Variants in ARHGAP10 observed in about 807,000 individuals in gnomAD.
The protein encoded by ARHGAP10 is Rho GTPase activating protein 10, also known as rho GTPase-activating protein 10.
Under a neutral mutation model 108.6 loss-of-function variants are expected in ARHGAP10, and 87 were observed. The observed-to-expected ratio is 0.80, with a 90% confidence interval of 0.67 to 0.96. The LOEUF (loss-of-function observed/expected upper bound fraction) is 0.96, where lower values mean the gene tolerates loss of function less well. ARHGAP10 is among the 40% of genes least tolerant of loss of function. The probability of loss-of-function intolerance (pLI) is 0.00; values close to 1 mark genes in which losing one functional copy is unlikely to be tolerated. For missense variants in ARHGAP10, 939 were observed against 954.5 expected (o/e 0.98, Z 0.21); for synonymous variants, 347 against 341.1 (o/e 1.02, Z -0.19).
rs572155350 is a variant in ARHGAP10 at position 147,942,389 on chromosome 4, A to G, written c.1303+2490A>G. On this transcript the variant is annotated intron_variant, in intron 14 of 22. Coordinates refer to ENST00000336498, the MANE Select transcript of ARHGAP10 (RefSeq NM_024605.4). ...ATTTTTTATTGCCATTTTTACACAA[A>G]GTACTTTGTATTGTTTGTTAAAGTG... Among the ~76,000 whole-genome samples, 7 of 152,322 alleles carry G rather than the reference A, an allele frequency of 4.6e-5. No individual in the cohort carries two copies. The East Asian group carries it at 1.3e-3, about 29-fold the overall frequency.
At chr4:147,944,423 T>A (rs190728557) in intron 14 of ARHGAP10, among the ~76,000 whole-genome samples, 1 of 152,322 alleles carries the variant, frequency 6.6e-6, no homozygotes, top group African/African-American at 2.4e-5. Flanking sequence ...CTTTGAGTAA[T>A]TGACCTCATA....
rs1491305896 is a variant in ARHGAP10, at chr4:147,798,722, A to ACTCTCTCT, written c.155-24004_155-24003insTCTCTCTC. On this transcript the variant is annotated intron_variant, in intron 1 of 22. Transcript: ENST00000336498. ...CATTACGTGAGGTCAGGAGTTTGAG[A>ACTCTCTCT]CACTCTCTCTCTCTCTCTCTCTCTC... Among the ~76,000 whole-genome samples, 22 of 107,430 alleles carry ACTCTCTCT rather than the reference A, an allele frequency of 2.0e-4. 4 individuals are homozygous for ACTCTCTCT. The highest frequency in any genetic ancestry group is 1.1e-3 in the African/African-American group (20 of 18,774). The allele number at this position is 107,430 out of a possible 152,430, so 70.5% of individuals were successfully genotyped here.
At chr4:147,900,203 CT>C (rs1024514689) in intron 10 of ARHGAP10, among the ~76,000 whole-genome samples, 1 of 152,102 alleles carries the variant, frequency 6.6e-6, no homozygotes. Flanking sequence ...TAGGCAGTTT[CT>C]TATGCTTGGG....
chr4:147,732,800 C>T (rs1465204312), intron 1 of ARHGAP10, among the ~76,000 whole-genome samples: 1 of 152,222 alleles, frequency 6.6e-6, no homozygotes, highest in Non-Finnish European at 1.5e-5. Flanking sequence ...AGTCAGGTTT[C>T]ATTGCTGCCT....
intron 3 of ARHGAP10, among the ~76,000 whole-genome samples, chr4:147,845,300 C>A (rs1018400109): frequency 6.6e-6 from 1 of 152,186 alleles, no homozygotes; most frequent in Non-Finnish European, 1.5e-5. Flanking sequence ...CTAGAATGTG[C>A]GCTTATATAT....
chr4:148,047,347 A>G lies in ARHGAP10; in HGVS notation c.2027+296A>G, dbSNP rs960676642. 2.8e-4 allele frequency among the ~76,000 whole-genome samples: 42 copies of G among 152,180 alleles called. 1 individual carries two copies. The highest frequency in any genetic ancestry group is 7.3e-5 in the Non-Finnish European group (5 of 68,040). ...GAAATTTGTTACTGTCCCACCCAAGATGTTTCCCCACTAGTTATGCAAACT... is the reference window on the plus strand; with the variant it reads ...GAAATTTGTTACTGTCCCACCCAAGGTGTTTCCCCACTAGTTATGCAAACT... On this transcript the variant is annotated intron_variant, in intron 20 of 22. Coordinates refer to ENST00000336498, the MANE Select transcript of ARHGAP10 (RefSeq NM_024605.4).
Position 147,897,255 on chromosome 4 carries a change from T to A in ARHGAP10, c.1035-9383T>A, listed in dbSNP as rs1370987762. On this transcript the variant is annotated intron_variant, in intron 10 of 22. Coordinates refer to ENST00000336498, the MANE Select transcript of ARHGAP10 (RefSeq NM_024605.4). ...AGAGTTTTAGTTTATATATAATAAT[T>A]ATTATTTTATTATTATTACTATTTT... is the stretch of plus-strand genomic sequence containing the variant. 3.3e-5 allele frequency among the ~76,000 whole-genome samples: 5 copies of A among 151,310 alleles called. No homozygotes were observed. In the East Asian group the frequency reaches 5.8e-4, roughly 18 times the overall value.
intron 1 of ARHGAP10, among the ~76,000 whole-genome samples, chr4:147,780,517 G>T (rs779447073): frequency 6.6e-6 from 1 of 150,520 alleles, no homozygotes; most frequent in Non-Finnish European, 1.5e-5. Flanking sequence ...TCTCATTTGC[G>T]TGTCTTTTTG....
At chr4:147,891,257 A>G (rs1735785074) in intron 10 of ARHGAP10, among the ~76,000 whole-genome samples, 1 of 152,178 alleles carries the variant, frequency 6.6e-6, no homozygotes, top group Non-Finnish European at 1.5e-5. Context: ...ATGGATAAAT[A>G]AAAGGTGGTA....
At chr4:147,762,971 T>A (rs1194122114) in intron 1 of ARHGAP10, among the ~76,000 whole-genome samples, 1 of 152,116 alleles carries the variant, frequency 6.6e-6, no homozygotes, top group African/African-American at 2.4e-5. Flanking sequence ...CTTTTATGGT[T>A]AAGGAGACAG....
intron 18 of ARHGAP10, among the ~76,000 whole-genome samples, chr4:148,011,606 A>G (rs1382193430): frequency 6.6e-6 from 1 of 152,192 alleles, no homozygotes; most frequent in Non-Finnish European, 1.5e-5. Flanking sequence ...CACATCAGCT[A>G]TTGATTGAAG....
intron 18 of ARHGAP10, among the ~76,000 whole-genome samples, chr4:147,970,916 C>T (rs1287224119): frequency 6.6e-6 from 1 of 151,978 alleles, no homozygotes; most frequent in Non-Finnish European, 1.5e-5. Context: ...GGCAAAACCC[C>T]ATCTCTACTT....
At chr4:147,895,954 C>T (rs1735978978) in intron 10 of ARHGAP10, among the ~76,000 whole-genome samples, 1 of 152,136 alleles carries the variant, frequency 6.6e-6, no homozygotes, top group Non-Finnish European at 1.5e-5. Flanking sequence ...GGAATTTTGA[C>T]AAAATGTTTC....
chr4:147,742,705 T>G (rs1316575805), intron 1 of ARHGAP10, among the ~76,000 whole-genome samples: 1 of 151,726 alleles, frequency 6.6e-6, no homozygotes, highest in Non-Finnish European at 1.5e-5. Context: ...AGGCTGGTCT[T>G]GAACTCCTGA....
At chr4:147,961,427 C>T (rs923218983) in intron 16 of ARHGAP10, among the ~76,000 whole-genome samples, 36 of 152,136 alleles carry the variant, frequency 2.4e-4, no homozygotes, top group African/African-American at 7.2e-4. Context: ...TCTTTCTAAT[C>T]TGATTGCATG....
chr4:147,737,111 A>G (rs1322127613), intron 1 of ARHGAP10, among the ~76,000 whole-genome samples: 2 of 152,050 alleles, frequency 1.3e-5, no homozygotes, highest in Non-Finnish European at 2.9e-5. Context: ...GTTTTCTGCT[A>G]CTTAATGCCC....
intron 14 of ARHGAP10, among the ~76,000 whole-genome samples, chr4:147,943,636 T>G (rs1237929203): frequency 6.6e-6 from 1 of 152,234 alleles, no homozygotes; most frequent in Non-Finnish European, 1.5e-5. Flanking sequence ...CTGTGCTTGT[T>G]AGTTTAGATT....
At chr4:147,894,873 C>A (rs1735924124) in intron 10 of ARHGAP10, among the ~76,000 whole-genome samples, 1 of 152,132 alleles carries the variant, frequency 6.6e-6, no homozygotes, top group South Asian at 2.1e-4. Flanking sequence ...TACTCTGTTG[C>A]ATCTCTTTGT....
chr4:147,882,298 T>A (rs1485375239), intron 10 of ARHGAP10, among the ~76,000 whole-genome samples: 1 of 151,852 alleles, frequency 6.6e-6, no homozygotes, highest in Non-Finnish European at 1.5e-5. Flanking sequence ...CTGTCTCTAC[T>A]AAAAAGACAA....
Sources: allele counts gnomAD v4.1 joint callset (sites outside exome capture counted in the v4.1 genomes callset), GRCh38; gene constraint gnomAD v4.1.1; transcripts MANE v1.5; gene names NCBI Gene and HGNC (gene_info 2026-07-23, HGNC 2026-07-21).